The following CNTNAP2 variants were observed in gnomAD, a reference collection of about 807,000 sequenced individuals.
CNTNAP2 encodes contactin-associated protein-like 2.
Under a neutral mutation model 155.2 loss-of-function variants are expected in CNTNAP2, and 98 were observed. The observed-to-expected ratio is 0.63, with a 90% CI of 0.54 to 0.75. The LOEUF (loss-of-function observed/expected upper bound fraction) is 0.75, where lower values mean the gene tolerates loss of function less well. CNTNAP2 is among the 30% of genes least tolerant of loss of function. The probability of loss-of-function intolerance (pLI) is 0.00; values close to 1 mark genes in which losing one functional copy is unlikely to be tolerated. For synonymous variants in CNTNAP2, 651 were observed against 631.2 expected, an observed-to-expected ratio of 1.03 and a Z score of -0.47; for missense variants, 1,727 against 1,688.1, an observed-to-expected ratio of 1.02 and a Z score of -0.40.
chr7:147,555,188 A>T (rs1372822109), intron 11 of CNTNAP2, among the ~76,000 whole-genome samples: 1 of 152,226 alleles, frequency 6.6e-6, no homozygotes, highest in East Asian at 1.9e-4. Context: ...TATTTTTGAA[A>T]GCAAGATTAG....
At chr7:147,679,859 C>G (rs1795921405) in intron 13 of CNTNAP2, among the ~76,000 whole-genome samples, 1 of 151,844 alleles carries the variant, frequency 6.6e-6, no homozygotes, top group Admixed American at 6.6e-5. Context: ...AACCCCAAAT[C>G]TAAAATCAGG....
rs186941295 is a variant in CNTNAP2 at position 147,744,940 on chromosome 7, A to G, written c.2098+105634A>G. ...AATTTTGGGGGACATAATCCTGTTC[A>G]TAACACTATCTAACCAAAGAACCAG... On this transcript the variant is annotated intron_variant, in intron 13 of 23. Coordinates refer to ENST00000361727, the MANE Select transcript of CNTNAP2 (RefSeq NM_014141.6). Among the ~76,000 whole-genome samples the G allele has an allele frequency of 5.3e-5, 8 of 152,346 alleles. No homozygotes were observed. In the East Asian group the frequency reaches 1.2e-3, roughly 22 times the overall value.
At chr7:147,544,363 T>A (rs1799692518) in intron 11 of CNTNAP2, among the ~76,000 whole-genome samples, 1 of 152,074 alleles carries the variant, frequency 6.6e-6, no homozygotes, top group African/African-American at 2.4e-5. Context: ...ATGAGAGAAA[T>A]GCAAATTAAG....
At chr7:146,389,077 T>C (rs1011839290) in intron 1 of CNTNAP2, among the ~76,000 whole-genome samples, 13 of 152,166 alleles carry the variant, frequency 8.5e-5, no homozygotes, top group African/African-American at 1.2e-4. Flanking sequence ...AATTTCTAAG[T>C]TTACTCATCC....
At chr7:147,601,464 A>G (rs1163720690) in intron 12 of CNTNAP2, among the ~76,000 whole-genome samples, 1 of 151,922 alleles carries the variant, frequency 6.6e-6, no homozygotes, top group African/African-American at 2.4e-5. Context: ...TTCACAAGGT[A>G]ATGTCATCAG....
chr7:147,010,556 G>T (rs1469309519), intron 3 of CNTNAP2, among the ~76,000 whole-genome samples: 1 of 152,040 alleles, frequency 6.6e-6, no homozygotes, highest in Non-Finnish European at 1.5e-5. Context: ...AGTTTAGAGG[G>T]GATACCATTG....
intron 1 of CNTNAP2, among the ~76,000 whole-genome samples, chr7:146,420,198 C>T (rs947246594): frequency 6.6e-6 from 1 of 152,084 alleles, no homozygotes; most frequent in Non-Finnish European, 1.5e-5. Flanking sequence ...TTAACTTACA[C>T]AGGTAACTTT....
intron 1 of CNTNAP2, among the ~76,000 whole-genome samples, chr7:146,511,856 G>T (rs951372976): frequency 6.6e-6 from 1 of 151,908 alleles, no homozygotes; most frequent in African/African-American, 2.4e-5. Flanking sequence ...AATTGTTATT[G>T]GTTCTTCTTT....
intron 4 of CNTNAP2, among the ~76,000 whole-genome samples, chr7:147,059,387 A>T (rs1010932642): frequency 4.6e-5 from 7 of 152,004 alleles, no homozygotes; most frequent in African/African-American, 1.7e-4. Flanking sequence ...TTACTTAGTA[A>T]GAGTCTTGAG....
At chr7:147,365,401 A>AAAAAAAAAAAAG (rs1796213443) in intron 9 of CNTNAP2, among the ~76,000 whole-genome samples, 1 of 150,832 alleles carries the variant, frequency 6.6e-6, no homozygotes, top group Non-Finnish European at 1.5e-5. Context: ...AAAAAAAAAA[A>AAAAAAAAAAAAG]AAAAAAACAA....
rs149128038 is a variant in CNTNAP2 at position 146,990,907 on chromosome 7, G to C, written c.403-53000G>C. Among the ~76,000 whole-genome samples the C allele has an allele frequency of 5.7e-3, 866 of 152,120 alleles. 2 individuals are homozygous for C. The highest frequency in any genetic ancestry group is 0.017 in the Middle Eastern group (5 of 294). On this transcript the variant is annotated intron_variant, in intron 3 of 23. Coordinates refer to ENST00000361727, the MANE Select transcript of CNTNAP2 (RefSeq NM_014141.6). Reference sequence around the variant, plus strand: ...CGGCCAAGGAAACTTTGGTTTAGCTGGAGTGTCGTGCCATAGTCAGAGGAT... The same window carrying C: ...CGGCCAAGGAAACTTTGGTTTAGCTCGAGTGTCGTGCCATAGTCAGAGGAT...
chr7:148,051,467 G>T (rs1312599088), intron 15 of CNTNAP2, among the ~76,000 whole-genome samples: 1 of 151,474 alleles, frequency 6.6e-6, no homozygotes, highest in Non-Finnish European at 1.5e-5. Context: ...TGCACCAACT[G>T]ATGTTAAAGA....
At chr7:148,158,591 T>C (rs1030572685) in intron 17 of CNTNAP2, among the ~76,000 whole-genome samples, 1 of 152,170 alleles carries the variant, frequency 6.6e-6, no homozygotes, top group African/African-American at 2.4e-5. Context: ...TCTTTTGAGC[T>C]CCCAACTAAC....
chr7:146,972,132 A>G (rs530562228), intron 3 of CNTNAP2, among the ~76,000 whole-genome samples: 2 of 152,284 alleles, frequency 1.3e-5, no homozygotes, highest in East Asian at 3.9e-4. Context: ...GAGGGGGAAA[A>G]TCATCCTTGA....
intron 15 of CNTNAP2, among the ~76,000 whole-genome samples, chr7:147,985,631 A>C (rs1158870888): frequency 6.6e-6 from 1 of 152,058 alleles, no homozygotes; most frequent in African/African-American, 2.4e-5. Context: ...GTCATCAAAC[A>C]ACTGATCTTT....
intron 23 of CNTNAP2, chr7:148,415,023 C>CT (rs1175983180): frequency 1.8e-5 from 6 of 337,050 alleles, no homozygotes. Flanking sequence ...AACCACTGTG[C>CT]TTTCTTGTGC....
chr7:148,356,497 G>A (rs1298797964), intron 21 of CNTNAP2, among the ~76,000 whole-genome samples: 1 of 152,202 alleles, frequency 6.6e-6, no homozygotes, highest in African/African-American at 2.4e-5. Context: ...AGAGCTGGAC[G>A]CCTCTTGGCT....
intron 1 of CNTNAP2, among the ~76,000 whole-genome samples, chr7:146,156,515 A>G (rs979604840): frequency 6.6e-6 from 1 of 152,216 alleles, no homozygotes; most frequent in Admixed American, 6.5e-5. Context: ...GCTAAACTTA[A>G]TTTATGTAAA....
chr7:147,718,914 A>G (rs1444332174), intron 13 of CNTNAP2, among the ~76,000 whole-genome samples: 1 of 152,140 alleles, frequency 6.6e-6, no homozygotes, highest in Non-Finnish European at 1.5e-5. Flanking sequence ...TAGTATTACT[A>G]TTGCACTGAG....
Sources: allele counts gnomAD v4.1 joint callset (sites outside exome capture counted in the v4.1 genomes callset), GRCh38; gene constraint gnomAD v4.1.1; transcripts MANE v1.5; gene names NCBI Gene and HGNC (gene_info 2026-07-23, HGNC 2026-07-21).